GRIP1: variants seen among roughly 807,000 people sequenced by gnomAD.
The protein encoded by GRIP1 is glutamate receptor interacting protein 1, also known as glutamate receptor-interacting protein 1.
Under a neutral mutation model 129.9 loss-of-function variants are expected in GRIP1, and 45 were observed. That is an observed-to-expected ratio of 0.35 (90% CI 0.27 to 0.44). The LOEUF (loss-of-function observed/expected upper bound fraction) is 0.44. GRIP1 is among the 20% of genes least tolerant of loss of function. The probability of loss-of-function intolerance (pLI) is 1.00; values close to 1 mark genes in which losing one functional copy is unlikely to be tolerated. For synonymous variants in GRIP1, 530 were observed against 520.8 expected (o/e 1.02, Z -0.24); for missense variants, 1,196 against 1,396.8 (o/e 0.86, Z 2.29).
rs143096509 is a variant in GRIP1 at position 66,446,515 on chromosome 12, C to T, written c.1355-1007G>A. On this transcript the variant is annotated intron_variant, in intron 11 of 24. Transcript: ENST00000359742. ...GTGGCAGGAAGACAGGTTCATAATA[C>T]TCCTTGCTCTCCACATACGGTACAT... 3.5e-4 allele frequency among the ~76,000 whole-genome samples: 54 copies of T among 152,336 alleles called. 1 individual carries two copies. In the East Asian group the frequency reaches 8.7e-3, roughly 25 times the overall value.
At chr12:66,718,419 T>C (rs2035958533) in intron 1 of GRIP1, among the ~76,000 whole-genome samples, 1 of 152,188 alleles carries the variant, frequency 6.6e-6, no homozygotes, top group Admixed American at 6.6e-5. Context: ...ATTAAAATTA[T>C]TCTAAGCTAG....
At chr12:66,717,777 A>G (rs2035939295) in intron 1 of GRIP1, among the ~76,000 whole-genome samples, 1 of 152,162 alleles carries the variant, frequency 6.6e-6, no homozygotes, top group Admixed American at 6.5e-5. Context: ...ATTGATAAAC[A>G]AAATTAAATT....
intron 1 of GRIP1, among the ~76,000 whole-genome samples, chr12:66,920,786 C>T (rs187434392): frequency 2.0e-4 from 30 of 152,360 alleles, no homozygotes; most frequent in African/African-American, 7.0e-4. Flanking sequence ...TGCTGCCCTA[C>T]TAAGACTTGT....
At chr12:67,000,647 T>G (rs2042537883) in intron 1 of GRIP1, among the ~76,000 whole-genome samples, 1 of 152,178 alleles carries the variant, frequency 6.6e-6, no homozygotes, top group African/African-American at 2.4e-5. Context: ...GCAAGTTCAT[T>G]AGGATACTTC....
At chr12:67,049,417 T>C (rs2043305408) in intron 1 of GRIP1, among the ~76,000 whole-genome samples, 1 of 152,144 alleles carries the variant, frequency 6.6e-6, no homozygotes, top group Non-Finnish European at 1.5e-5. Context: ...TGCAGGGCCA[T>C]GGATGAAGCT....
intron 23 of GRIP1, among the ~76,000 whole-genome samples, chr12:66,369,963 T>C: frequency 6.6e-6 from 1 of 152,214 alleles, no homozygotes; most frequent in Non-Finnish European, 1.5e-5. Flanking sequence ...CATCCTAACA[T>C]GTCAGAAATG....
At chr12:66,787,199 C>T (rs113029014) in intron 1 of GRIP1, among the ~76,000 whole-genome samples, 3,941 of 152,262 alleles carry the variant, frequency 0.026, 81 homozygotes, top group Middle Eastern at 0.075. Flanking sequence ...CATTCTAAAG[C>T]TCCAGACAGA....
At chr12:66,379,484 C>A (rs377384938) in intron 19 of GRIP1, 48 bp from the exon 20 acceptor site, 6 of 1,580,842 alleles carry the variant, frequency 3.8e-6, no homozygotes, top group Non-Finnish European at 5.2e-6. Flanking sequence ...ATTACTTAAT[C>A]CATTGAGAAA....
chr12:66,989,462 G>A (rs1458442022), intron 1 of GRIP1, among the ~76,000 whole-genome samples: 2 of 152,108 alleles, frequency 1.3e-5, no homozygotes, highest in East Asian at 1.9e-4. Context: ...AAGCAATTAC[G>A]GGGGCGTCTC....
rs989744513 is a variant in GRIP1 at position 66,542,518 on chromosome 12, T to C, written c.137-568A>G. On this transcript the variant is annotated intron_variant, in intron 2 of 24. Coordinates refer to ENST00000359742, the MANE Select transcript of GRIP1 (RefSeq NM_001366722.1). ...CAATTCATGTCATTCTTGCAGAATATGTCACAGTATGGCAAGGCAGGATTG... is the reference window on the plus strand; with the variant it reads ...CAATTCATGTCATTCTTGCAGAATACGTCACAGTATGGCAAGGCAGGATTG... Among the ~76,000 whole-genome samples the C allele has an allele frequency of 3.9e-5, 6 of 152,324 alleles. No homozygotes were observed. The East Asian group carries it at 1.2e-3, about 29-fold the overall frequency.
At chr12:66,698,593 T>C (rs1455688326) in intron 1 of GRIP1, among the ~76,000 whole-genome samples, 2 of 152,184 alleles carry the variant, frequency 1.3e-5, no homozygotes, top group Non-Finnish European at 2.9e-5. Context: ...GGCAGAGTTA[T>C]TTTCTCTTTT....
At position 66,500,532 on chromosome 12, in the gene GRIP1, A is replaced by C. The variant is rs17102562; in HGVS notation, c.724+15087T>G. On this transcript the variant is annotated intron_variant, in intron 7 of 24. Transcript: ENST00000359742. ...AATAGGGACGATGGGAATTGTGAGA[A>C]CAGATGTCAATGTTATGAGAGAGAG... 7.4e-3 allele frequency among the ~76,000 whole-genome samples: 1,127 copies of C among 152,326 alleles called. 21 individuals carry two copies. Among genetic ancestry groups the C allele is most frequent in the East Asian group, 0.054 (278 of 5,188 alleles).
intron 2 of GRIP1, among the ~76,000 whole-genome samples, chr12:66,580,465 A>G (rs1420518285): frequency 3.3e-5 from 5 of 152,224 alleles, no homozygotes; most frequent in Non-Finnish European, 7.3e-5. Flanking sequence ...AGACTGGCAA[A>G]TTGGCTAAAG....
chr12:66,693,222 C>A (rs144294890), intron 1 of GRIP1, among the ~76,000 whole-genome samples: 2 of 152,142 alleles, frequency 1.3e-5, no homozygotes, highest in Non-Finnish European at 2.9e-5. Context: ...CAGGGCCACA[C>A]GTGACCTGTA....
At chr12:66,651,173 T>G (rs955015556) in intron 1 of GRIP1, among the ~76,000 whole-genome samples, 2 of 152,148 alleles carry the variant, frequency 1.3e-5, no homozygotes, top group African/African-American at 4.8e-5. Flanking sequence ...AGTCAACAGG[T>G]GGTATAGCAA....
chr12:66,909,364 G>A (rs2040991454), intron 1 of GRIP1, among the ~76,000 whole-genome samples: 1 of 152,156 alleles, frequency 6.6e-6, no homozygotes, highest in Non-Finnish European at 1.5e-5. Context: ...GAGAGCTTGG[G>A]GTGAATGCTA....
intron 1 of GRIP1, among the ~76,000 whole-genome samples, chr12:66,893,903 C>T (rs1408498130): frequency 1.3e-5 from 2 of 152,120 alleles, no homozygotes; most frequent in African/African-American, 4.8e-5. Context: ...TCAGTCATCC[C>T]AAAGACCCTA....
At chr12:66,631,972 GA>G (rs2030840743) in intron 1 of GRIP1, among the ~76,000 whole-genome samples, 1 of 152,182 alleles carries the variant, frequency 6.6e-6, no homozygotes, top group Non-Finnish European at 1.5e-5. Context: ...GTGGGACTGT[GA>G]AGGGGAGGTG....
intron 23 of GRIP1, among the ~76,000 whole-genome samples, chr12:66,362,030 A>T (rs1450915780): frequency 2.0e-5 from 3 of 152,062 alleles, no homozygotes; most frequent in Non-Finnish European, 4.4e-5. Context: ...CCCACTGTAG[A>T]AATTGCCGAT....
Sources: allele counts gnomAD v4.1 joint callset (sites outside exome capture counted in the v4.1 genomes callset), GRCh38; gene constraint gnomAD v4.1.1; transcripts MANE v1.5; gene names NCBI Gene and HGNC (gene_info 2026-07-23, HGNC 2026-07-21).